The following ALMS1 variants were observed in gnomAD, a reference collection of about 807,000 sequenced individuals.
ALMS1 encodes ALMS1 centrosome and basal body associated protein.
Under a neutral mutation model 352.2 loss-of-function variants are expected in ALMS1, and 271 were observed. The observed-to-expected ratio is 0.77, with a 90% confidence interval of 0.70 to 0.85. The LOEUF is 0.85. Ranked by LOEUF, ALMS1 falls within the 40% of genes least tolerant of loss-of-function variation. ALMS1 has a pLI of 0.00. For missense variants in ALMS1, 5,445 were observed against 4,870.7 expected (o/e 1.12, Z -3.51); for synonymous variants, 1,865 against 1,761.2 (o/e 1.06, Z -1.48).
At chr2:73,594,983 C>T (rs958050647) in intron 16 of ALMS1, among the ~76,000 whole-genome samples, 4 of 152,218 alleles carry the variant, frequency 2.6e-5, no homozygotes, top group African/African-American at 9.6e-5. Context: ...ACCTTCCATT[C>T]AGTGACTGGA....
Position 73,452,830 on chromosome 2 carries a change from G to T in ALMS1, c.6303G>T (p.Ser2101=), listed in dbSNP as rs555344566. The T allele has an allele frequency of 1.2e-6, 2 of 1,613,758 alleles. No individual in the cohort carries two copies. The highest frequency in any genetic ancestry group is 1.7e-5 in the Admixed American group (1 of 59,960). ...GTTCTTATTTTCACAGAGAGAAATC[G>T]AATATTTTCAGTCCACAGGAATTGC... ...LSSSYFHREK[S]NIFSPQELPG... is the part of the protein sequence containing the mutation. Residue 2101 remains serine, a synonymous_variant, in exon 8 of 23, where the codon TCG becomes TCT. Coordinates refer to ENST00000613296, the MANE Select transcript of ALMS1 (RefSeq NM_001378454.1).
chr2:73,560,090 C>T (rs1348620897), intron 15 of ALMS1, among the ~76,000 whole-genome samples: 1 of 152,124 alleles, frequency 6.6e-6, no homozygotes, highest in Non-Finnish European at 1.5e-5. Flanking sequence ...TGTGAATAGG[C>T]ATTCTACAGA....
intron 10 of ALMS1, among the ~76,000 whole-genome samples, chr2:73,515,052 C>A (rs1217581578): frequency 6.6e-6 from 1 of 152,166 alleles, no homozygotes; most frequent in Admixed American, 6.5e-5. Flanking sequence ...CCCTCTTCTC[C>A]TAGGAGTAAG....
At chr2:73,465,751 CTAA>C (rs1672325228) in intron 9 of ALMS1, among the ~76,000 whole-genome samples, 1 of 151,760 alleles carries the variant, frequency 6.6e-6, no homozygotes, top group Non-Finnish European at 1.5e-5. Context: ...TGACAAAGGG[CTAA>C]TATCCAGAAT....
chr2:73,581,775 GTC>G (rs1675185551), intron 16 of ALMS1, among the ~76,000 whole-genome samples: 1 of 149,986 alleles, frequency 6.7e-6, no homozygotes, highest in Non-Finnish European at 1.5e-5. Flanking sequence ...TTGAGACGTA[GTC>G]TCTATTGCCC....
At chr2:73,464,017 C>T (rs9678093) in intron 9 of ALMS1, among the ~76,000 whole-genome samples, 1 of 151,920 alleles carries the variant, frequency 6.6e-6, no homozygotes, top group Non-Finnish European at 1.5e-5. Flanking sequence ...ACCAGAGGTA[C>T]AAAGAGGAGC....
Position 73,572,263 on chromosome 2 carries a change from G to C in ALMS1, c.10386G>C (p.Glu3462Asp). 6.2e-7 allele frequency: 1 copy of C among 1,604,742 alleles called. No individual in the cohort carries two copies. Among genetic ancestry groups the C allele is most frequent in the Non-Finnish European group, 8.5e-7 (1 of 1,177,532 alleles). Residue 3462 changes from glutamate to aspartate, a missense_variant and splice_region_variant, in exon 16 of 23, where the codon GAG becomes GAC. Transcript: ENST00000613296. ...NKESLQINIE[E>D]SECHSEFENT... ...AAAATCTTTTTTTCTCCTTTTCAGA[G>C]TCCGAATGTCATTCAGAATTTGAAA...
chr2:73,594,467 T>A (rs920764203), intron 16 of ALMS1, among the ~76,000 whole-genome samples: 11 of 152,246 alleles, frequency 7.2e-5, no homozygotes, highest in African/African-American at 2.7e-4. Flanking sequence ...TGACTACTTG[T>A]GTCCTTTGGA....
At chr2:73,462,676 G>C (rs1368122011) in intron 9 of ALMS1, 2 of 152,210 alleles carry the variant, frequency 1.3e-5, no homozygotes, top group African/African-American at 4.8e-5. Flanking sequence ...TGGATAAAGA[G>C]TCAAGACCCA....
chr2:73,505,771 G>C (rs1673308271), intron 10 of ALMS1, among the ~76,000 whole-genome samples: 1 of 152,066 alleles, frequency 6.6e-6, no homozygotes, highest in Non-Finnish European at 1.5e-5. Context: ...AGTTTCTTTT[G>C]CTGTGCAGAA....
intron 16 of ALMS1, among the ~76,000 whole-genome samples, chr2:73,585,765 G>A (rs1378277732): frequency 3.1e-5 from 4 of 127,304 alleles, no homozygotes; most frequent in African/African-American, 6.5e-5. Context: ...TCTCGCTCTT[G>A]TTGCCCTGGC....
At chr2:73,400,947 C>T (rs775694425) in intron 1 of ALMS1, among the ~76,000 whole-genome samples, 15 of 151,982 alleles carry the variant, frequency 9.9e-5, no homozygotes, top group Non-Finnish European at 1.6e-4. Flanking sequence ...CCACTATGCC[C>T]GGCTAATTTT....
intron 21 of ALMS1, among the ~76,000 whole-genome samples, chr2:73,605,511 A>C (rs1286672415): frequency 2.6e-5 from 4 of 152,246 alleles, no homozygotes; most frequent in African/African-American, 9.6e-5. Context: ...GGAAAAGTTT[A>C]TGACATGTTT....
At chr2:73,552,521 A>G (rs1674460944) in intron 13 of ALMS1, among the ~76,000 whole-genome samples, 3 of 152,178 alleles carry the variant, frequency 2.0e-5, no homozygotes, top group African/African-American at 7.2e-5. Flanking sequence ...CTGCACAAAG[A>G]ACTCACCAGC....
chr2:73,543,221 A>C (rs1674230417), intron 12 of ALMS1, among the ~76,000 whole-genome samples: 1 of 152,212 alleles, frequency 6.6e-6, no homozygotes, highest in South Asian at 2.1e-4. Context: ...GCATATCTAC[A>C]GCTATCTGAT....
chr2:73,440,393 T>C (rs1284958361), intron 7 of ALMS1, among the ~76,000 whole-genome samples: 1 of 152,218 alleles, frequency 6.6e-6, no homozygotes, highest in Non-Finnish European at 1.5e-5. Context: ...TTTCTTTGAA[T>C]TTGACTCATC....
chr2:73,519,335 C>T (rs1362280057), intron 10 of ALMS1, among the ~76,000 whole-genome samples: 1 of 152,084 alleles, frequency 6.6e-6, no homozygotes, highest in Non-Finnish European at 1.5e-5. Context: ...ATATTAATTC[C>T]CTATGATCTC....
chr2:73,494,430 A>G (rs1370307131), intron 10 of ALMS1, among the ~76,000 whole-genome samples: 1 of 152,228 alleles, frequency 6.6e-6, no homozygotes, highest in Non-Finnish European at 1.5e-5. Context: ...ATAAGAAATT[A>G]TTATTGGTGT....
At chr2:73,523,374 C>T (rs1431569947) in intron 11 of ALMS1, among the ~76,000 whole-genome samples, 1 of 152,162 alleles carries the variant, frequency 6.6e-6, no homozygotes, top group African/African-American at 2.4e-5. Flanking sequence ...GAGTTTCTTC[C>T]TTAGAAGCAG....
Sources: gnomAD v4.1 joint callset for allele counts (sites outside exome capture counted in the v4.1 genomes callset) on GRCh38, gnomAD v4.1.1 for gene constraint, MANE v1.5 for transcripts, NCBI Gene and HGNC (gene_info 2026-07-23, HGNC 2026-07-21) for gene names.